Variants in OSTC observed in about 807,000 individuals in gnomAD.
The protein encoded by OSTC is oligosaccharyltransferase complex subunit OSTC.
A neutral mutation model predicts 16.4 loss-of-function variants in OSTC; 16 were observed. That is an observed-to-expected ratio of 0.98 (90% confidence interval 0.66 to 1.49). The LOEUF (loss-of-function observed/expected upper bound fraction) is 1.49, where lower values mean the gene tolerates loss of function less well. Among genes scored for constraint, OSTC ranks in the 40% most tolerant of loss-of-function variants. The probability of loss-of-function intolerance (pLI) is 0.00; values close to 1 mark genes in which losing one functional copy is unlikely to be tolerated. For synonymous variants in OSTC, 67 were observed against 68.5 expected, an observed-to-expected ratio of 0.98 and a Z score of 0.11; for missense variants, 139 against 186.3, an observed-to-expected ratio of 0.75 and a Z score of 1.48.
rs760291185 is a variant in OSTC, at chr4:108,657,542, C to T, written c.326C>T (p.Ala109Val). 9.3e-6 allele frequency: 15 copies of T among 1,613,620 alleles called. No homozygotes were observed. The highest frequency in any genetic ancestry group is 1.2e-5 in the Non-Finnish European group (14 of 1,179,612). Residue 109 changes from alanine (A) to valine (V), a missense_variant, in exon 3 of 4, where the codon GCA (alanine) becomes GTA (valine). Physicochemically the swap from Ala to Val is moderately conservative, Grantham distance 64 (BLOSUM62 0). Coordinates refer to ENST00000361564, the MANE Select transcript of OSTC (RefSeq NM_021227.4). ...LGFIILDRSN[A>V]PNIPKLNRFL... ...TTCATAATCCTGGACCGATCGAATG[C>T]ACCAAATATCCCAAAACTCAATAGA...
rs1430944547 is a variant in OSTC at position 108,664,541 on chromosome 4, T to A, written c.432-2706T>A. On this transcript the variant is annotated intron_variant, in intron 3 of 3. Transcript: ENST00000361564. Reference sequence around the variant, plus strand: ...CACATCAGGCATTATAGTAGCAAATTTATGTGAGGTCTTTAAATTCAATGT... The same window carrying A: ...CACATCAGGCATTATAGTAGCAAATATATGTGAGGTCTTTAAATTCAATGT... Among the ~76,000 whole-genome samples, 8 of 152,228 alleles carry A rather than the reference T, an allele frequency of 5.3e-5. No individual in the cohort carries two copies. The East Asian group carries it at 1.2e-3, about 22-fold the overall frequency.
Position 108,666,539 on chromosome 4 carries a change from G to A in OSTC, c.432-708G>A, listed in dbSNP as rs192848242. Among the ~76,000 whole-genome samples the A allele has an allele frequency of 2.3e-3, 343 of 151,872 alleles. 2 individuals are homozygous for A. The highest frequency in any genetic ancestry group is 7.7e-3 in the African/African-American group (321 of 41,448). Reference sequence around the variant, plus strand: ...AGCCTGGCCAAGATGGTGAAACCCCGTCTCTACTAAAAATAGAAAAAGTTA... The same window carrying A: ...AGCCTGGCCAAGATGGTGAAACCCCATCTCTACTAAAAATAGAAAAAGTTA... On this transcript the variant is annotated intron_variant, in intron 3 of 3. Coordinates refer to ENST00000361564, the MANE Select transcript of OSTC (RefSeq NM_021227.4).
At chr4:108,651,466 A>G (rs956814934) in intron 1 of OSTC, 3 of 152,360 alleles carry the variant, frequency 2.0e-5, no homozygotes, top group Non-Finnish European at 4.4e-5. Flanking sequence ...GATAAATAGC[A>G]TTACTATTAA....
At chr4:108,665,810 G>A (rs7665506) in intron 3 of OSTC, among the ~76,000 whole-genome samples, 117,494 of 151,844 alleles carry the variant, frequency 0.77, 45,848 homozygotes, top group East Asian at 1. Flanking sequence ...CACCTACCTC[G>A]GCTTCCCAAA....
intron 3 of OSTC, among the ~76,000 whole-genome samples, chr4:108,661,452 CAAAG>C (rs1726855822): frequency 6.6e-6 from 1 of 152,040 alleles, no homozygotes; most frequent in Admixed American, 6.6e-5. Flanking sequence ...TACATAGACT[CAAAG>C]GAAATAATGT....
At chr4:108,662,804 T>C (rs1726890983) in intron 3 of OSTC, among the ~76,000 whole-genome samples, 1 of 152,248 alleles carries the variant, frequency 6.6e-6, no homozygotes, top group South Asian at 2.1e-4. Flanking sequence ...AACTAGCAGC[T>C]GGATTGTTTC....
chr4:108,650,600 T>G lies in OSTC; in HGVS notation c.-56T>G. 6.2e-7 allele frequency: 1 copy of G among 1,602,484 alleles called. No homozygotes were observed. Among genetic ancestry groups the G allele is most frequent in the Non-Finnish European group, 8.5e-7 (1 of 1,172,906 alleles). On this transcript the variant is annotated 5_prime_UTR_variant, in exon 1 of 4. Transcript: ENST00000361564. ...GCGCACTTGTTAGGGAGGGCGGGCC[T>G]GTTTCCGGGAGGCGCGTGGGGCTTG... is the stretch of plus-strand genomic sequence containing the variant.
intron 1 of OSTC, 35 bp from the exon 2 acceptor site, chr4:108,655,529 A>G (rs1726677789): frequency 2.3e-6 from 3 of 1,320,746 alleles, no homozygotes; most frequent in Admixed American, 2.0e-5. Context: ...AAAATTAGTA[A>G]TACAATCTAA....
intron 1 of OSTC, among the ~76,000 whole-genome samples, chr4:108,652,836 G>A (rs533129226): frequency 2.0e-5 from 3 of 152,136 alleles, no homozygotes; most frequent in South Asian, 2.1e-4. Context: ...CCAGGAGTTC[G>A]AGGCCAGCCT....
At position 108,667,237 on chromosome 4, in the gene OSTC, A is replaced by G. The variant is rs1727032211; in HGVS notation, c.432-10A>G. 3 of 1,605,964 alleles carry G rather than the reference A, an allele frequency of 1.9e-6. No individual in the cohort carries two copies. The highest frequency in any genetic ancestry group is 2.6e-6 in the Non-Finnish European group (3 of 1,175,352). On this transcript the variant is annotated splice_polypyrimidine_tract_variant and intron_variant, in intron 3 of 3. Coordinates refer to ENST00000361564, the MANE Select transcript of OSTC (RefSeq NM_021227.4). ...TTTCACTTTTTGTGCTTATAATTAT[A>G]TTTCTGCAGGGGCTATCTGATGGGT...
intron 1 of OSTC, chr4:108,651,212 C>G (rs1726532367): frequency 5.8e-6 from 1 of 171,284 alleles, no homozygotes; most frequent in Non-Finnish European, 1.3e-5. Context: ...ACTCCGCTTC[C>G]ATGGTTGGTC....
At position 108,650,810 on chromosome 4, in the gene OSTC, G is replaced by C. The variant is rs1417567127; in HGVS notation, c.139+16G>C. The C allele has an allele frequency of 1.9e-6, 3 of 1,613,916 alleles. No individual in the cohort carries two copies. Among genetic ancestry groups the C allele is most frequent in the Non-Finnish European group, 2.5e-6 (3 of 1,179,902 alleles). Reference sequence around the variant, plus strand: ...ATCACCGGAGGTAACTCGGGCTGTCGGGCCCGAGAGGCTGAGGAGCGGAGA... The same window carrying C: ...ATCACCGGAGGTAACTCGGGCTGTCCGGCCCGAGAGGCTGAGGAGCGGAGA... On this transcript the variant is annotated intron_variant, in intron 1 of 3. Coordinates refer to ENST00000361564, the MANE Select transcript of OSTC (RefSeq NM_021227.4).
At chr4:108,651,076 A>C in intron 1 of OSTC, 1 of 363,026 alleles carries the variant, frequency 2.8e-6, no homozygotes, top group East Asian at 5.4e-5. Flanking sequence ...TTCAAGGCCA[A>C]ATTGTTGCTC....
In OSTC at chr4:108,667,547, A is replaced by G. The variant is rs1055634157; in HGVS notation, c.*282A>G. 13 of 300,944 alleles carry G rather than the reference A, an allele frequency of 4.3e-5. No homozygotes were observed. The highest frequency in any genetic ancestry group is 2.8e-4 in the African/African-American group (13 of 46,362). The allele number at this position is 300,944 out of a possible 1,614,324, so 18.6% of individuals were successfully genotyped here. A position where few individuals can be genotyped will look rare whatever the true frequency, so the allele number is the denominator to read the frequency against. The stretch of plus-strand genomic sequence containing the variant: ...TTAGTTTTTCATTAAAATATATTCC[A>G]TATCTACAACTATAATATCAAATAA... On this transcript the variant is annotated 3_prime_UTR_variant, in exon 4 of 4. Coordinates refer to ENST00000361564, the MANE Select transcript of OSTC (RefSeq NM_021227.4).
At chr4:108,655,706 G>A (rs1207840099) in intron 2 of OSTC, 49 bp downstream of exon 2, 4 of 1,325,074 alleles carry the variant, frequency 3.0e-6, no homozygotes, top group East Asian at 4.6e-5. Flanking sequence ...GAAGGTTGCT[G>A]TGGTATGCCC....
At chr4:108,650,895 GCT>G in intron 1 of OSTC, 101 bp downstream of exon 1, 1 of 1,534,706 alleles carries the variant, frequency 6.5e-7, no homozygotes, top group Non-Finnish European at 8.8e-7. Flanking sequence ...GGGAAGCATA[GCT>G]CTGCTTTGGA....
intron 1 of OSTC, among the ~76,000 whole-genome samples, chr4:108,653,421 A>G (rs574888928): frequency 2.0e-5 from 3 of 152,322 alleles, no homozygotes; most frequent in Admixed American, 6.5e-5. Flanking sequence ...ACGTAGGGCA[A>G]ATGTGAGACC....
rs70949037 is a variant in OSTC at position 108,657,917 on chromosome 4, C to CTTTTTT, written c.431+295_431+300dup. ...CAATGACTGAAGATAGTCATTGTTTCTTTTTTTTTTTTTTTTTTTTTTTTT... is the reference window on the plus strand; with the variant it reads ...CAATGACTGAAGATAGTCATTGTTTCTTTTTTTTTTTTTTTTTTTTTTTTTTTTTTT... On this transcript the variant is annotated intron_variant, in intron 3 of 3. Coordinates refer to ENST00000361564, the MANE Select transcript of OSTC (RefSeq NM_021227.4). 1.5e-3 allele frequency among the ~76,000 whole-genome samples: 98 copies of CTTTTTT among 67,212 alleles called. 4 individuals carry two copies. Among genetic ancestry groups the CTTTTTT allele is most frequent in the African/African-American group, 1.7e-3 (28 of 16,266 alleles). 44.1% of individuals were successfully genotyped at this position (67,212 alleles called of 152,430 possible).
chr4:108,667,230 T>C lies in OSTC; in HGVS notation c.432-17T>C, dbSNP rs200825440. The C allele has an allele frequency of 3.1e-5, 49 of 1,602,122 alleles. No homozygotes were observed. The highest frequency in any genetic ancestry group is 3.7e-5 in the Non-Finnish European group (44 of 1,174,108). The stretch of plus-strand genomic sequence containing the variant: ...CAATTCTTTTCACTTTTTGTGCTTA[T>C]AATTATATTTCTGCAGGGGCTATCT... On this transcript the variant is annotated splice_polypyrimidine_tract_variant and intron_variant, in intron 3 of 3. Coordinates refer to ENST00000361564, the MANE Select transcript of OSTC (RefSeq NM_021227.4).
Sources: allele counts gnomAD v4.1 joint callset (sites outside exome capture counted in the v4.1 genomes callset), GRCh38; gene constraint gnomAD v4.1.1; transcripts MANE v1.5; gene names NCBI Gene and HGNC (gene_info 2026-07-23, HGNC 2026-07-21).